KCNIP3: variants seen among roughly 807,000 people sequenced by gnomAD.
KCNIP3 encodes potassium voltage-gated channel interacting protein 3, also known as calsenilin.
KCNIP3 carries 28 observed loss-of-function variants against 35.0 expected under a neutral mutation model. The ratio of observed to expected loss-of-function variants is 0.80; its 90% CI spans 0.59 to 1.10. KCNIP3 has a LOEUF of 1.10. Ranked by LOEUF, KCNIP3 falls within the 50% of genes least tolerant of loss-of-function variation. KCNIP3 has a pLI of 0.00. For synonymous variants in KCNIP3, 134 were observed against 133.8 expected (o/e 1.00, Z -0.01); for missense variants, 295 against 338.4 (o/e 0.87, Z 1.01).
At chr2:95,375,439 G>A (rs1464660705) in intron 5 of KCNIP3, among the ~76,000 whole-genome samples, 13 of 152,014 alleles carry the variant, frequency 8.6e-5, no homozygotes, top group Non-Finnish European at 1.9e-4. Flanking sequence ...CCATTTGAGA[G>A]TTTGCATCCA....
chr2:95,354,043 C>T (rs530307334), intron 2 of KCNIP3, among the ~76,000 whole-genome samples: 40 of 152,276 alleles, frequency 2.6e-4, no homozygotes, highest in Admixed American at 1.2e-3. Context: ...CAGTGCTGGC[C>T]GAGGACTGGG....
chr2:95,364,110 C>G (rs1371142336), intron 2 of KCNIP3, among the ~76,000 whole-genome samples: 1 of 152,136 alleles, frequency 6.6e-6, no homozygotes, highest in Non-Finnish European at 1.5e-5. Context: ...TAAGCTTTTG[C>G]CATTAAATCC....
chr2:95,349,799 G>A (rs1213070070), intron 2 of KCNIP3, among the ~76,000 whole-genome samples: 1 of 152,252 alleles, frequency 6.6e-6, no homozygotes, highest in Non-Finnish European at 1.5e-5. Context: ...AGATGAAGAA[G>A]CTGCCTGCCA....
intron 2 of KCNIP3, among the ~76,000 whole-genome samples, chr2:95,339,356 G>A (rs1165709916): frequency 6.6e-6 from 1 of 152,020 alleles, no homozygotes; most frequent in Non-Finnish European, 1.5e-5. Context: ...GAGGCGGGCA[G>A]ATCACTTGAG....
intron 2 of KCNIP3, among the ~76,000 whole-genome samples, chr2:95,353,901 G>T (rs1451641625): frequency 6.6e-6 from 1 of 152,198 alleles, no homozygotes; most frequent in Non-Finnish European, 1.5e-5. Context: ...AGTTGGGGAG[G>T]TGCTACTGGC....
Position 95,341,907 on chromosome 2 carries a change from T to C in KCNIP3, c.181+31387T>C, listed in dbSNP as rs562112057. On this transcript the variant is annotated intron_variant, in intron 2 of 8. Transcript: ENST00000295225. ...AAACAAGTAAACACGTAAGCAAATA[T>C]CTATGTTCCCATTGCAGTAACTGCA... 7.9e-5 allele frequency among the ~76,000 whole-genome samples: 12 copies of C among 152,250 alleles called. No individual in the cohort carries two copies. The East Asian group carries it at 2.3e-3, about 29-fold the overall frequency.
intron 2 of KCNIP3, among the ~76,000 whole-genome samples, chr2:95,334,194 C>G (rs1308263820): frequency 2.6e-5 from 4 of 152,152 alleles, no homozygotes; most frequent in Non-Finnish European, 4.4e-5. Flanking sequence ...AACACAGGCT[C>G]TGAGTTGGCC....
rs1415744718 is a variant in KCNIP3, at chr2:95,318,670, A to G, written c.181+8150A>G. Reference sequence around the variant, plus strand: ...AGTCTCGGCCACGGGGCTACGAAGCAGGCACAGGGGTGGTGCCCTGCATGG... The same window carrying G: ...AGTCTCGGCCACGGGGCTACGAAGCGGGCACAGGGGTGGTGCCCTGCATGG... On this transcript the variant is annotated intron_variant, in intron 2 of 8. Coordinates refer to ENST00000295225, the MANE Select transcript of KCNIP3 (RefSeq NM_013434.5). Among the ~76,000 whole-genome samples, 9 of 152,266 alleles carry G rather than the reference A, an allele frequency of 5.9e-5. No homozygotes were observed. The East Asian group carries it at 1.7e-3, about 29-fold the overall frequency.
intron 2 of KCNIP3, chr2:95,346,873 C>T (rs1679384466): frequency 3.1e-6 from 1 of 317,930 alleles, no homozygotes; most frequent in Non-Finnish European, 5.4e-6. Context: ...CCGGCCCAGC[C>T]AACCCAGCAG....
intron 2 of KCNIP3, among the ~76,000 whole-genome samples, chr2:95,326,192 CAT>C (rs757319305): frequency 3.3e-4 from 50 of 151,872 alleles, no homozygotes; most frequent in Admixed American, 6.6e-4. Flanking sequence ...GTCATACACA[CAT>C]ACACGCACTC....
Sources: gnomAD v4.1 joint callset for allele counts (sites outside exome capture counted in the v4.1 genomes callset) on GRCh38, gnomAD v4.1.1 for gene constraint, MANE v1.5 for transcripts, NCBI Gene and HGNC (gene_info 2026-07-23, HGNC 2026-07-21) for gene names.